Variants in RSPO2 observed in about 807,000 individuals in gnomAD.
RSPO2 encodes the protein R-spondin 2, also known as R-spondin-2.
Under a neutral mutation model 30.9 loss-of-function variants are expected in RSPO2, and 14 were observed. That is an observed-to-expected ratio of 0.45 (90% CI 0.30 to 0.71). The LOEUF is 0.71. RSPO2 is among the 30% of genes least tolerant of loss of function. RSPO2 has a pLI of 0.08. For synonymous variants in RSPO2, 107 were observed against 96.4 expected (o/e 1.11, Z -0.64); for missense variants, 264 against 301.9 (o/e 0.87, Z 0.93).
At chr8:107,910,948 G>A (rs1239085314) in intron 5 of RSPO2, among the ~76,000 whole-genome samples, 1 of 152,110 alleles carries the variant, frequency 6.6e-6, no homozygotes, top group African/African-American at 2.4e-5. Context: ...ATCCTGGTTA[G>A]AGTCTTCCCA....
chr8:107,930,013 CTTCTCTAGATCAGTACCAT>C (rs1812503727), intron 5 of RSPO2, among the ~76,000 whole-genome samples: 1 of 152,164 alleles, frequency 6.6e-6, no homozygotes, highest in Admixed American at 6.5e-5. Context: ...TTAAGAACCA[CTTCTCTAGATCAGTACCAT>C]TAAGATCATT....
At chr8:107,933,909 A>T (rs1812631787) in intron 5 of RSPO2, among the ~76,000 whole-genome samples, 1 of 152,192 alleles carries the variant, frequency 6.6e-6, no homozygotes. Flanking sequence ...CTTAAAAAAT[A>T]AAATAACCAC....
intron 2 of RSPO2, among the ~76,000 whole-genome samples, chr8:108,049,525 GGTATTT>G (rs1228517362): frequency 2.0e-5 from 3 of 151,822 alleles, no homozygotes; most frequent in Non-Finnish European, 4.4e-5. Context: ...GCAGGCATTA[GGTATTT>G]GTCCTCATGC....
At chr8:108,038,699 A>G (rs1210514514) in intron 2 of RSPO2, among the ~76,000 whole-genome samples, 1 of 152,106 alleles carries the variant, frequency 6.6e-6, no homozygotes, top group Non-Finnish European at 1.5e-5. Flanking sequence ...CATCAAAGCA[A>G]GACCCTCTAC....
At chr8:108,019,159 G>C (rs560798165) in intron 2 of RSPO2, among the ~76,000 whole-genome samples, 1 of 151,644 alleles carries the variant, frequency 6.6e-6, no homozygotes, top group African/African-American at 2.4e-5. Context: ...AAAAAAACAC[G>C]GCCTGGCCAA....
chr8:108,014,859 G>GA (rs1810831166), intron 2 of RSPO2, among the ~76,000 whole-genome samples: 2 of 136,548 alleles, frequency 1.5e-5, no homozygotes, highest in African/African-American at 2.8e-5. Flanking sequence ...AAAAAAAAAA[G>GA]AAAAAAAATT....
chr8:107,938,219 T>G (rs186906580), intron 5 of RSPO2, among the ~76,000 whole-genome samples: 6 of 152,254 alleles, frequency 3.9e-5, no homozygotes, highest in Middle Eastern at 3.4e-3. Context: ...GTGAATTTAG[T>G]TTTTAAAATA....
rs1241881649 is a variant in RSPO2 at position 108,068,992 on chromosome 8, T to C, written c.94+13553A>G. On this transcript the variant is annotated intron_variant, in intron 2 of 5. Transcript: ENST00000276659. The stretch of plus-strand genomic sequence containing the variant: ...TATAATAATGTGTGCTGCCAATGCA[T>C]TTCTTAAAGTAATGACTCTAGAAAA... Among the ~76,000 whole-genome samples, 3 of 152,364 alleles carry C rather than the reference T, an allele frequency of 2.0e-5. No homozygotes were observed. In the South Asian group the frequency reaches 6.2e-4, roughly 32 times the overall value.
At chr8:108,046,974 G>C (rs1046495609) in intron 2 of RSPO2, among the ~76,000 whole-genome samples, 1 of 152,126 alleles carries the variant, frequency 6.6e-6, no homozygotes. Flanking sequence ...GTGGGAAAAA[G>C]TCAAGAAAGG....
chr8:108,003,127 C>T (rs1014607234), intron 2 of RSPO2, among the ~76,000 whole-genome samples: 12 of 148,350 alleles, frequency 8.1e-5, no homozygotes, highest in Middle Eastern at 3.3e-3. Context: ...TCTCGGCTCA[C>T]CACAACCTCT....
chr8:107,936,438 A>C (rs1334539971), intron 5 of RSPO2, among the ~76,000 whole-genome samples: 1 of 152,196 alleles, frequency 6.6e-6, no homozygotes, highest in Non-Finnish European at 1.5e-5. Context: ...GAAGAAAATC[A>C]CACAGAAATC....
chr8:107,988,911 A>C (rs1814743981), intron 3 of RSPO2, 145 bp downstream of exon 3: 1 of 720,366 alleles, frequency 1.4e-6, no homozygotes, highest in Non-Finnish European at 2.1e-6. Context: ...TACAGGCATG[A>C]CCCACCACAC....
At chr8:108,021,608 C>CA (rs1393558223) in intron 2 of RSPO2, among the ~76,000 whole-genome samples, 2 of 152,094 alleles carry the variant, frequency 1.3e-5, no homozygotes, top group Non-Finnish European at 2.9e-5. Context: ...AAAAAGGGGG[C>CA]ATATCTTCCA....
intron 3 of RSPO2, among the ~76,000 whole-genome samples, chr8:107,972,930 G>C (rs1435004125): frequency 6.6e-6 from 1 of 152,070 alleles, no homozygotes; most frequent in Non-Finnish European, 1.5e-5. Context: ...TGAATGTTTT[G>C]ATATTTTTAA....
intron 2 of RSPO2, among the ~76,000 whole-genome samples, chr8:108,048,514 C>T (rs945974503): frequency 1.1e-4 from 16 of 151,904 alleles, no homozygotes; most frequent in African/African-American, 3.6e-4. Context: ...GGATTGGTGG[C>T]GATATCTCCT....
At position 107,934,296 on chromosome 8, in the gene RSPO2, CT is replaced by C. The variant is rs200760087; in HGVS notation, c.616+23783del. 9.6e-4 allele frequency among the ~76,000 whole-genome samples: 145 copies of C among 151,516 alleles called. 2 individuals carry two copies. In the East Asian group the frequency reaches 0.025, roughly 26 times the overall value. ...AAAATAATCCAAAATACAGAATGTA[CT>C]AAAATCTTTAAAAAGTTTAGGTATG... On this transcript the variant is annotated intron_variant, in intron 5 of 5. Transcript: ENST00000276659.
rs536047364 is a variant in RSPO2, at chr8:107,945,544, G to A, written c.616+12536C>T. ...ATTACAGGCATGAGCCACCGTGCTCGGCTTCTTTTTCCTTATTTCTATTGT... is the reference window on the plus strand; with the variant it reads ...ATTACAGGCATGAGCCACCGTGCTCAGCTTCTTTTTCCTTATTTCTATTGT... On this transcript the variant is annotated intron_variant, in intron 5 of 5. Coordinates refer to ENST00000276659, the MANE Select transcript of RSPO2 (RefSeq NM_178565.5). Among the ~76,000 whole-genome samples, 304 of 151,968 alleles carry A rather than the reference G, an allele frequency of 2.0e-3. 1 individual carries two copies. The highest frequency in any genetic ancestry group is 3.6e-3 in the Non-Finnish European group (248 of 67,972).
chr8:107,962,338 A>C (rs1813654689), intron 3 of RSPO2, among the ~76,000 whole-genome samples: 1 of 152,228 alleles, frequency 6.6e-6, no homozygotes, highest in Non-Finnish European at 1.5e-5. Flanking sequence ...GTCTAGACCT[A>C]TTAAAAATGC....
intron 2 of RSPO2, among the ~76,000 whole-genome samples, chr8:108,047,846 G>A (rs1482858207): frequency 7.4e-5 from 10 of 134,808 alleles, no homozygotes; most frequent in East Asian, 4.3e-4. Context: ...GCAAGACTCC[G>A]GCTCAGGGAG....
Sources: gnomAD v4.1 joint callset for allele counts (sites outside exome capture counted in the v4.1 genomes callset) on GRCh38, gnomAD v4.1.1 for gene constraint, MANE v1.5 for transcripts, NCBI Gene and HGNC (gene_info 2026-07-23, HGNC 2026-07-21) for gene names.